BAZ2B: variants seen among roughly 807,000 people sequenced by gnomAD.
BAZ2B encodes bromodomain adjacent to zinc finger domain 2B.
A neutral mutation model predicts 246.0 loss-of-function variants in BAZ2B; 91 were observed. That is an observed-to-expected ratio of 0.37 (90% CI 0.31 to 0.44). The LOEUF is 0.44. BAZ2B is among the 20% of genes least tolerant of loss of function. The pLI, the probability that BAZ2B is intolerant of heterozygous loss-of-function variation, is 1.00. For synonymous variants in BAZ2B, 855 were observed against 860.0 expected, an observed-to-expected ratio of 0.99 and a Z score of 0.10; for missense variants, 2,332 against 2,533.7, an observed-to-expected ratio of 0.92 and a Z score of 1.71.
At chr2:159,433,584 T>G (rs2071557180) in intron 8 of BAZ2B, 1 of 412,670 alleles carries the variant, frequency 2.4e-6, no homozygotes. Context: ...CCATTAAAAA[T>G]TATATGCCTT....
At chr2:159,484,484 T>C (rs928266267) in intron 2 of BAZ2B, among the ~76,000 whole-genome samples, 1 of 152,214 alleles carries the variant, frequency 6.6e-6, no homozygotes, top group Non-Finnish European at 1.5e-5. Context: ...ACATTTGCTG[T>C]ATTTTACTAA....
At chr2:159,706,499 A>G in the BAZ2B span, among the ~76,000 whole-genome samples, 1 of 152,250 alleles carries the variant, frequency 6.6e-6, no homozygotes, top group Non-Finnish European at 1.5e-5. Context: ...CTCGATTATT[A>G]TAATTCTGAA....
Position 159,350,127 on chromosome 2 carries a change from A to G in BAZ2B, c.4444T>C (p.Ser1482Pro), listed in dbSNP as rs201077550. ...TTTGGTTTGGGGGTCATAACCTCTGACTCAGGAGGCATCTTAGCTACTTCC... is the reference window on the plus strand; with the variant it reads ...TTTGGTTTGGGGGTCATAACCTCTGGCTCAGGAGGCATCTTAGCTACTTCC... Reference protein sequence around the residue: ...LLEVAKMPPESEVMTPKPNAG... With the variant: ...LLEVAKMPPEPEVMTPKPNAG... Residue 1482 changes from serine (S) to proline (P), a missense_variant, in exon 28 of 37, where the codon TCA becomes CCA. By Grantham distance (74) the Ser-to-Pro change is moderately conservative (BLOSUM62 -1). Coordinates refer to ENST00000392783, the MANE Select transcript of BAZ2B (RefSeq NM_013450.4). 6.8e-6 allele frequency: 11 copies of G among 1,614,072 alleles called. No homozygotes were observed. The East Asian group carries it at 2.0e-4, about 29-fold the overall frequency.
intron 33 of BAZ2B, 32 bp from the exon 34 acceptor site, chr2:159,332,718 C>G (rs375203329): frequency 1.2e-6 from 2 of 1,608,780 alleles, no homozygotes; most frequent in Admixed American, 1.7e-5. Context: ...TTAAAATTAA[C>G]GCTCTGCCAT....
Position 159,340,164 on chromosome 2 carries a change from G to T in BAZ2B, c.5455-2392C>A, listed in dbSNP as rs546956180. ...TCAAAAAGACAGACTAGACCAAGGG[G>T]AAGAAAGAATTTCTGAAGACAGGTC... On this transcript the variant is annotated intron_variant, in intron 31 of 36. Coordinates refer to ENST00000392783, the MANE Select transcript of BAZ2B (RefSeq NM_013450.4). 3.9e-5 allele frequency among the ~76,000 whole-genome samples: 6 copies of T among 151,902 alleles called. No homozygotes were observed. In the East Asian group the frequency reaches 1.2e-3, roughly 29 times the overall value.
At chr2:159,606,154 T>A (rs1372984561) in intron 1 of BAZ2B, among the ~76,000 whole-genome samples, 1 of 152,236 alleles carries the variant, frequency 6.6e-6, no homozygotes, top group East Asian at 1.9e-4. Flanking sequence ...CTTGATATGT[T>A]CCAAAAGGAC....
At chr2:159,644,486 T>G in the BAZ2B span, among the ~76,000 whole-genome samples, 11,667 of 152,254 alleles carry the variant, frequency 0.077, 944 homozygotes, top group African/African-American at 0.2. Context: ...TGAAACCAAC[T>G]AAGAAGCTGT....
intron 1 of BAZ2B, among the ~76,000 whole-genome samples, chr2:159,589,915 G>T (rs772317964): frequency 6.6e-6 from 1 of 152,028 alleles, no homozygotes; most frequent in African/African-American, 2.4e-5. Context: ...GGCCGGGCCC[G>T]ATGGTTCACG....
intron 2 of BAZ2B, among the ~76,000 whole-genome samples, chr2:159,512,760 TA>T (rs1295999148): frequency 1.3e-5 from 2 of 151,996 alleles, no homozygotes; most frequent in Admixed American, 1.3e-4. Flanking sequence ...GAACCAGGAG[TA>T]GAGGGAGTGT....
chr2:159,596,837 T>C (rs553528480), intron 1 of BAZ2B, among the ~76,000 whole-genome samples: 1 of 152,368 alleles, frequency 6.6e-6, no homozygotes, highest in South Asian at 2.1e-4. Context: ...TCTCCAATCT[T>C]ATCCAAGTTG....
chr2:159,658,672 T>A, the BAZ2B span, among the ~76,000 whole-genome samples: 1 of 152,092 alleles, frequency 6.6e-6, no homozygotes, highest in Non-Finnish European at 1.5e-5. Flanking sequence ...CACGCACCAC[T>A]GAAGTCTGGA....
intron 3 of BAZ2B, among the ~76,000 whole-genome samples, chr2:159,474,620 G>T (rs530243763): frequency 6.6e-6 from 1 of 152,248 alleles, no homozygotes; most frequent in East Asian, 1.9e-4. Flanking sequence ...TGGTTATTTT[G>T]TCTGTTAGTT....
chr2:159,674,306 G>T, the BAZ2B span, among the ~76,000 whole-genome samples: 1 of 130,470 alleles, frequency 7.7e-6, no homozygotes. Flanking sequence ...TTGCACTCCA[G>T]CCTGGGCAAC....
Position 159,332,879 on chromosome 2 carries a change from A to T in BAZ2B, c.5797-193T>A, listed in dbSNP as rs1481478455. 5.0e-5 allele frequency: 30 copies of T among 604,572 alleles called. 1 individual carries two copies. The East Asian group carries it at 8.7e-4, about 18-fold the overall frequency. 37.5% of individuals were successfully genotyped at this position (604,572 alleles called of 1,614,324 possible). A position where few individuals can be genotyped will look rare whatever the true frequency, so the allele number is the denominator to read the frequency against. On this transcript the variant is annotated intron_variant, in intron 33 of 36. Coordinates refer to ENST00000392783, the MANE Select transcript of BAZ2B (RefSeq NM_013450.4). ...GACCACATGACGGGTGAGCAGTTCT[A>T]TTGGGGTAAATGCACATTTCAAGTA...
At chr2:159,610,954 C>T (rs2151815973) in intron 1 of BAZ2B, among the ~76,000 whole-genome samples, 1 of 152,000 alleles carries the variant, frequency 6.6e-6, no homozygotes, top group Admixed American at 6.6e-5. Context: ...TCAAATAGCA[C>T]TCAAAATACA....
intron 2 of BAZ2B, among the ~76,000 whole-genome samples, chr2:159,517,012 G>T (rs1321710529): frequency 6.6e-6 from 1 of 151,940 alleles, no homozygotes; most frequent in African/African-American, 2.4e-5. Context: ...CTACAACAAA[G>T]TACACAAAAT....
chr2:159,560,175 A>G (rs1211818761), intron 1 of BAZ2B, among the ~76,000 whole-genome samples: 2 of 152,222 alleles, frequency 1.3e-5, no homozygotes, highest in Non-Finnish European at 2.9e-5. Context: ...AAAGATATTT[A>G]TCCATACCTA....
At chr2:159,475,380 T>G (rs2078393652) in intron 3 of BAZ2B, among the ~76,000 whole-genome samples, 2 of 152,236 alleles carry the variant, frequency 1.3e-5, no homozygotes. Flanking sequence ...AAAGTTCTCA[T>G]GCTGTGTTTT....
At chr2:159,704,823 C>CT in the BAZ2B span, among the ~76,000 whole-genome samples, 4 of 152,094 alleles carry the variant, frequency 2.6e-5, no homozygotes, top group Non-Finnish European at 5.9e-5. Flanking sequence ...CTGCCTCAGC[C>CT]TCCCAAGTAG....
Sources: gnomAD v4.1 joint callset for allele counts (sites outside exome capture counted in the v4.1 genomes callset) on GRCh38, gnomAD v4.1.1 for gene constraint, MANE v1.5 for transcripts, NCBI Gene and HGNC (gene_info 2026-07-23, HGNC 2026-07-21) for gene names.